The following KMT2C variants were observed in gnomAD, a reference collection of about 807,000 sequenced individuals.
KMT2C encodes lysine methyltransferase 2C.
In KMT2C, 88 loss-of-function variants were observed where a neutral mutation model predicts 507.9. The ratio of observed to expected loss-of-function variants is 0.17; its 90% CI spans 0.15 to 0.21. The LOEUF (loss-of-function observed/expected upper bound fraction) is 0.21. Ranked by LOEUF, KMT2C falls within the 10% of genes least tolerant of loss-of-function variation. KMT2C has a pLI of 1.00. For missense variants in KMT2C, 4,954 were observed against 5,957.8 expected (o/e 0.83, Z 5.55); for synonymous variants, 2,049 against 2,080.8 (o/e 0.98, Z 0.42).
In KMT2C at chr7:152,194,066, G is replaced by T. The variant is rs780690446; in HGVS notation, c.4603C>A (p.Pro1535Thr). ...GGGGGAGGCTGTGGCAATGGAGTTG[G>T]CTGAGTGTTCGCAGGACTAAGTACA... Reference protein sequence around the residue: ...TAVLSPANTQPTPLPQPPPPT... With the variant: ...TAVLSPANTQTTPLPQPPPPT... Residue 1535 changes from proline (P) to threonine (T), a missense_variant, in exon 31 of 59, where the codon CCA becomes ACA. Pro to Thr is a conservative substitution (Grantham distance 38). Coordinates refer to ENST00000262189, the MANE Select transcript of KMT2C (RefSeq NM_170606.3). 5 of 1,593,784 alleles carry T rather than the reference G, an allele frequency of 3.1e-6. No homozygotes were observed. Among genetic ancestry groups the T allele is most frequent in the Non-Finnish European group, 3.4e-6 (4 of 1,173,472 alleles).
chr7:152,182,223 C>T lies in KMT2C; in HGVS notation c.5637G>A (p.Pro1879=), dbSNP rs781414338. ...SQAQTSQPPS[P]QVFSPGSSNS... is the part of the protein sequence containing the mutation. ...TAGAGGACCCAGGTGAAAACACTTG[C>T]GGTGAGGGTGGCTGAGAAGTCTGAG... Residue 1879 remains proline, a synonymous_variant, in exon 36 of 59, where the codon CCG becomes CCA. Coordinates refer to ENST00000262189, the MANE Select transcript of KMT2C (RefSeq NM_170606.3). 3.1e-6 allele frequency: 5 copies of T among 1,613,856 alleles called. No individual in the cohort carries two copies. Among genetic ancestry groups the T allele is most frequent in the South Asian group, 2.2e-5 (2 of 91,030 alleles).
chr7:152,250,628 T>C (rs1270303982), intron 12 of KMT2C, among the ~76,000 whole-genome samples: 1 of 152,210 alleles, frequency 6.6e-6, no homozygotes, highest in Non-Finnish European at 1.5e-5. Context: ...GAAAATCACT[T>C]GGTCCCTTAA....
At chr7:152,322,839 T>G (rs568498230) in intron 3 of KMT2C, among the ~76,000 whole-genome samples, 3 of 151,786 alleles carry the variant, frequency 2.0e-5, no homozygotes, top group South Asian at 4.1e-4. Context: ...ACAACCTGAT[T>G]AAAAAATGGG....
chr7:152,422,204 T>A (rs563382916), intron 1 of KMT2C, among the ~76,000 whole-genome samples: 2 of 151,150 alleles, frequency 1.3e-5, no homozygotes, highest in South Asian at 2.1e-4. Context: ...CCCAGCACTT[T>A]GGGAGGACAA....
At chr7:152,187,869 C>T (rs1484720341) in intron 31 of KMT2C, 22 bp from the exon 32 acceptor site, 10 of 1,612,086 alleles carry the variant, frequency 6.2e-6, no homozygotes, top group Middle Eastern at 1.6e-4. Flanking sequence ...AAAATAATTC[C>T]GTTGGCATGA....
rs201956551 is a variant in KMT2C at position 152,360,478 on chromosome 7, C to CA, written c.162-1804dup. ...GGGCAACAAGAGTGAAACTCTGTCT[C>CA]AAAAAAAAAAAGTTAACCAACCTAA... On this transcript the variant is annotated intron_variant, in intron 1 of 58. Transcript: ENST00000262189. Among the ~76,000 whole-genome samples, 136 of 139,532 alleles carry CA rather than the reference C, an allele frequency of 9.7e-4. No individual in the cohort carries two copies. In the East Asian group the frequency reaches 0.013, roughly 13 times the overall value. 91.5% of individuals were successfully genotyped at this position (139,532 alleles called of 152,430 possible). A position where few individuals can be genotyped will look rare whatever the true frequency, so the allele number is the denominator to read the frequency against.
chr7:152,387,280 C>A (rs1368654088), intron 1 of KMT2C, among the ~76,000 whole-genome samples: 1 of 151,712 alleles, frequency 6.6e-6, no homozygotes, highest in Non-Finnish European at 1.5e-5. Flanking sequence ...CTGACAGTTA[C>A]ATGATGTGAT....
intron 41 of KMT2C, 123 bp downstream of exon 41, chr7:152,169,063 T>G: frequency 1.7e-6 from 1 of 599,494 alleles, no homozygotes; most frequent in Non-Finnish European, 3.0e-6. Flanking sequence ...TGATGTTTAA[T>G]AAGACAGGAG....
chr7:152,324,270 C>A (rs999725269), intron 3 of KMT2C, among the ~76,000 whole-genome samples: 1 of 148,538 alleles, frequency 6.7e-6, no homozygotes, highest in Non-Finnish European at 1.5e-5. Flanking sequence ...TGTGGTTCTG[C>A]CATTAAAAGT....
intron 42 of KMT2C, among the ~76,000 whole-genome samples, chr7:152,166,301 T>G (rs1190170020): frequency 1.3e-5 from 2 of 152,096 alleles, no homozygotes; most frequent in Admixed American, 6.5e-5. Flanking sequence ...TTTGTATTTT[T>G]AGTAGAGACG....
chr7:152,311,710 G>T (rs2096673188), intron 5 of KMT2C, 88 bp downstream of exon 5: 3 of 883,468 alleles, frequency 3.4e-6, no homozygotes, highest in Non-Finnish European at 5.0e-6. Flanking sequence ...TAGATGAAAG[G>T]TATTTATTAT....
At chr7:152,295,639 T>A (rs1356562342) in intron 6 of KMT2C, among the ~76,000 whole-genome samples, 3 of 152,202 alleles carry the variant, frequency 2.0e-5, no homozygotes, top group Non-Finnish European at 4.4e-5. Context: ...TTTTCCTTCC[T>A]ACAGATTTCC....
rs202184064 is a variant in KMT2C, at chr7:152,247,986, G to A, written c.2448C>T (p.Tyr816=). 6.9e-7 allele frequency: 1 copy of A among 1,444,582 alleles called. No homozygotes were observed. The highest frequency in any genetic ancestry group is 1.4e-5 in the African/African-American group (1 of 71,568). The allele number at this position is 1,444,582 out of a possible 1,614,324, so 89.5% of individuals were successfully genotyped here. A position where few individuals can be genotyped will look rare whatever the true frequency, so the allele number is the denominator to read the frequency against. The part of the protein sequence containing the change: ...SSAGNIMPTT[Y]ISVTPKIGMG... ...TGCCAATTTTTGGAGTGACTGAGAT[G>A]TAAGTTGTTGGCATGATGTTTCCAG... Residue 816 remains tyrosine (Y), a synonymous_variant, in exon 14 of 59, where the codon TAC becomes TAT. Coordinates refer to ENST00000262189, the MANE Select transcript of KMT2C (RefSeq NM_170606.3).
intron 26 of KMT2C, among the ~76,000 whole-genome samples, chr7:152,202,627 C>T (rs1363716667): frequency 6.6e-6 from 1 of 152,154 alleles, no homozygotes; most frequent in Admixed American, 6.5e-5. Context: ...GTGGGGTATA[C>T]ATAGCTATCA....
At chr7:152,186,502 C>T (rs1264340767) in intron 33 of KMT2C, among the ~76,000 whole-genome samples, 5 of 152,132 alleles carry the variant, frequency 3.3e-5, no homozygotes, top group African/African-American at 1.2e-4. Flanking sequence ...TCATTTATTA[C>T]AATACATAAT....
intron 5 of KMT2C, among the ~76,000 whole-genome samples, chr7:152,311,380 A>G (rs1011083398): frequency 2.6e-5 from 4 of 152,170 alleles, no homozygotes; most frequent in Non-Finnish European, 5.9e-5. Context: ...GCACCATATC[A>G]TGAGTGCTGA....
At chr7:152,259,691 G>A (rs2095735806) in intron 9 of KMT2C, among the ~76,000 whole-genome samples, 1 of 152,084 alleles carries the variant, frequency 6.6e-6, no homozygotes, top group African/African-American at 2.4e-5. Context: ...AAACCTATCT[G>A]ACAATGACTG....
intron 6 of KMT2C, among the ~76,000 whole-genome samples, chr7:152,292,533 C>T (rs1256014207): frequency 4.6e-5 from 7 of 152,148 alleles, no homozygotes; most frequent in South Asian, 2.1e-4. Flanking sequence ...ACCTGAATGT[C>T]GTTATGATTT....
At position 152,194,044 on chromosome 7, in the gene KMT2C, G is replaced by A. The variant is rs2129128820; in HGVS notation, c.4625C>T (p.Pro1542Leu). 1 of 1,585,384 alleles carries A rather than the reference G, an allele frequency of 6.3e-7. No homozygotes were observed. The highest frequency in any genetic ancestry group is 2.3e-5 in the East Asian group (1 of 44,288). ...TATTGGCAACAGCTGTGTTGGTGGG[G>A]GAGGCTGTGGCAATGGAGTTGGCTG... is the stretch of plus-strand genomic sequence containing the variant. ...NTQPTPLPQP[P>L]PPTQLLPIHN... Residue 1542 changes from proline to leucine, a missense_variant, in exon 31 of 59, where the codon CCC (proline) becomes CTC (leucine). Pro to Leu is a moderately conservative substitution (Grantham distance 98, BLOSUM62 -3). Transcript: ENST00000262189.
Sources: gnomAD v4.1 joint callset for allele counts (sites outside exome capture counted in the v4.1 genomes callset) on GRCh38, gnomAD v4.1.1 for gene constraint, MANE v1.5 for transcripts, NCBI Gene and HGNC (gene_info 2026-07-23, HGNC 2026-07-21) for gene names.